GLRA2: variants seen among roughly 807,000 people sequenced by gnomAD.
GLRA2 encodes glycine receptor alpha 2.
A neutral mutation model predicts 31.6 loss-of-function variants in GLRA2; 11 were observed. That is an observed-to-expected ratio of 0.35 (90% CI 0.22 to 0.58). The LOEUF is 0.58. Ranked by LOEUF, GLRA2 falls within the 20% of genes least tolerant of loss-of-function variation. The pLI, the probability that GLRA2 is intolerant of heterozygous loss-of-function variation, is 0.84. For missense variants in GLRA2, 212 were observed against 351.8 expected, an observed-to-expected ratio of 0.60 and a Z score of 3.18; for synonymous variants, 132 against 134.0, an observed-to-expected ratio of 0.99 and a Z score of 0.10.
the GLRA2 span, among the ~76,000 whole-genome samples, chrX:14,472,020 G>T: frequency 8.9e-6 from 1 of 112,000 alleles, no homozygotes; most frequent in African/African-American, 3.3e-5. Context: ...CTTTTAAAGT[G>T]AGAAGCAATA....
chrX:14,661,658 G>A (rs774074792), intron 7 of GLRA2, among the ~76,000 whole-genome samples: 3 of 110,635 alleles, frequency 2.7e-5, no homozygotes, highest in Non-Finnish European at 3.8e-5. Flanking sequence ...GATTGCCTGA[G>A]CTCAGGAGTT....
intron 7 of GLRA2, among the ~76,000 whole-genome samples, chrX:14,689,889 A>G (rs2091325653): frequency 8.9e-6 from 1 of 112,151 alleles, no homozygotes; most frequent in South Asian, 3.7e-4. Flanking sequence ...AGCAAAAAGT[A>G]TTTGCTTTCA....
At chrX:14,639,572 AC>A (rs1384570110) in intron 7 of GLRA2, among the ~76,000 whole-genome samples, 42 of 111,448 alleles carry the variant, frequency 3.8e-4, no homozygotes, top group Admixed American at 3.7e-3. Context: ...CAGTGTGGGA[AC>A]CCCAGGGACA....
At chrX:14,493,782 G>GAC in the GLRA2 span, among the ~76,000 whole-genome samples, 4,869 of 94,550 alleles carry the variant, frequency 0.051, 376 homozygotes, top group African/African-American at 0.17. Flanking sequence ...TATATATATA[G>GAC]ACACACACAC....
chrX:14,691,271 CTGTGTGTGTGTGTGTGTGTGTGTGTGTG>C (rs4014173), intron 8 of GLRA2, among the ~76,000 whole-genome samples: 2 of 85,244 alleles, frequency 2.3e-5, no homozygotes, highest in African/African-American at 4.4e-5. Flanking sequence ...TAAATATTGA[CTGTGTGTGTGTGTGTGTGTGTGTGTGTG>C]TGTGTGTGTG....
the GLRA2 span, among the ~76,000 whole-genome samples, chrX:14,517,990 T>TAA: frequency 4.5e-5 from 5 of 111,500 alleles, no homozygotes; most frequent in African/African-American, 1.6e-4. Context: ...AGCATTGTTA[T>TAA]AAAATAGTCT....
chrX:14,593,785 C>A (rs2090170170), intron 4 of GLRA2, among the ~76,000 whole-genome samples: 1 of 112,991 alleles, frequency 8.9e-6, no homozygotes, highest in African/African-American at 3.2e-5. Flanking sequence ...TTCCTTAACA[C>A]ATACGTATGG....
the GLRA2 span, among the ~76,000 whole-genome samples, chrX:14,491,597 C>G: frequency 2.6e-4 from 29 of 111,901 alleles, no homozygotes; most frequent in African/African-American, 9.1e-4. Context: ...GATTCCTGTA[C>G]TTAGCCCCAG....
the GLRA2 span, among the ~76,000 whole-genome samples, chrX:14,483,382 C>T: frequency 4.5e-5 from 5 of 112,045 alleles, no homozygotes; most frequent in South Asian, 7.4e-4. Flanking sequence ...TTAGGCCTAA[C>T]GTGACTATAC....
At chrX:14,500,331 C>A in the GLRA2 span, among the ~76,000 whole-genome samples, 2 of 112,082 alleles carry the variant, frequency 1.8e-5, no homozygotes, top group Non-Finnish European at 3.8e-5. Flanking sequence ...GCCATCCAAC[C>A]CAAATGGGAA....
At chrX:14,481,128 G>T in the GLRA2 span, among the ~76,000 whole-genome samples, 3 of 111,180 alleles carry the variant, frequency 2.7e-5, no homozygotes, top group African/African-American at 9.8e-5. Flanking sequence ...CATTATTTGT[G>T]GCTATTATAA....
At chrX:14,707,669 A>G (rs1403721045) in intron 8 of GLRA2, among the ~76,000 whole-genome samples, 1 of 106,542 alleles carries the variant, frequency 9.4e-6, no homozygotes, top group Non-Finnish European at 1.9e-5. Context: ...TTTTGTTGCC[A>G]TTAGATATAT....
chrX:14,531,190 T>C, intron 1 of GLRA2: 1 of 888,590 alleles, frequency 1.1e-6, no homozygotes, highest in Non-Finnish European at 1.5e-6. Flanking sequence ...TGAGTATTTA[T>C]GCATGCTCAT....
rs946798629 is a variant in GLRA2, at chrX:14,551,140, A to G, written c.202+18768A>G. ...TGTATTTGGTTGCTTATGGTCATAC[A>G]GCTAGTAAGAGTGCAGAAATGGCTT... On this transcript the variant is annotated intron_variant, in intron 2 of 8. Transcript: ENST00000218075. Among the ~76,000 whole-genome samples, 4 of 112,018 alleles carry G rather than the reference A, an allele frequency of 3.6e-5. No homozygotes were observed. In the South Asian group the frequency reaches 1.5e-3, roughly 42 times the overall value.
chrX:14,632,525 A>G (rs1246824964), intron 7 of GLRA2, among the ~76,000 whole-genome samples: 1 of 111,820 alleles, frequency 8.9e-6, no homozygotes, highest in African/African-American at 3.2e-5. Flanking sequence ...AATAATTGGT[A>G]TGTACAGTAA....
chrX:14,623,939 T>G (rs1391690831), intron 7 of GLRA2, among the ~76,000 whole-genome samples: 1 of 111,942 alleles, frequency 8.9e-6, no homozygotes, highest in Non-Finnish European at 1.9e-5. Context: ...ATCTCCTCTT[T>G]GTACCTCTGG....
Position 14,679,846 on chromosome X carries a change from T to A in GLRA2, c.931-10864T>A, listed in dbSNP as rs747037536. On this transcript the variant is annotated intron_variant, in intron 7 of 8. Coordinates refer to ENST00000218075, the MANE Select transcript of GLRA2 (RefSeq NM_002063.4). ...GTCATGTGGAACCATCTACTTTATA[T>A]CACTTATATGTTCATGTGACTGTTT... Among the ~76,000 whole-genome samples the A allele has an allele frequency of 4.5e-5, 5 of 112,182 alleles. No homozygotes were observed. In the South Asian group the frequency reaches 1.5e-3, roughly 33 times the overall value.
chrX:14,564,776 T>C (rs1340881369), intron 2 of GLRA2, among the ~76,000 whole-genome samples: 1 of 111,897 alleles, frequency 8.9e-6, no homozygotes, highest in Non-Finnish European at 1.9e-5. Context: ...GAGAATGGTG[T>C]TGTATAAGAG....
At chrX:14,685,801 T>A (rs1458221601) in intron 7 of GLRA2, among the ~76,000 whole-genome samples, 10 of 112,028 alleles carry the variant, frequency 8.9e-5, no homozygotes, top group Non-Finnish European at 1.9e-4. Flanking sequence ...GTTTTTTGTG[T>A]CTCTATCTCC....
Sources: allele counts gnomAD v4.1 joint callset (sites outside exome capture counted in the v4.1 genomes callset), GRCh38; gene constraint gnomAD v4.1.1; transcripts MANE v1.5; gene names NCBI Gene and HGNC (gene_info 2026-07-23, HGNC 2026-07-21).